GRM1: variants seen among roughly 807,000 people sequenced by gnomAD.
GRM1 encodes glutamate metabotropic receptor 1, also known as metabotropic glutamate receptor 1.
GRM1 carries 33 observed loss-of-function variants against 90.9 expected under a neutral mutation model. That is an observed-to-expected ratio of 0.36 (90% CI 0.28 to 0.49). The LOEUF is 0.49. Ranked by LOEUF, GRM1 falls within the 20% of genes least tolerant of loss-of-function variation. The probability of loss-of-function intolerance (pLI) is 0.99; values close to 1 mark genes in which losing one functional copy is unlikely to be tolerated. For synonymous variants in GRM1, 700 were observed against 613.2 expected, an observed-to-expected ratio of 1.14 and a Z score of -2.09; for missense variants, 1,190 against 1,534.3, an observed-to-expected ratio of 0.78 and a Z score of 3.75.
At chr6:146,307,532 T>A (rs1000521072) in intron 3 of GRM1, among the ~76,000 whole-genome samples, 1 of 152,200 alleles carries the variant, frequency 6.6e-6, no homozygotes, top group Non-Finnish European at 1.5e-5. Flanking sequence ...GCTTCAATGT[T>A]ATTGAAGAAC....
At chr6:146,140,090 A>ATTCATTCT (rs1554272173) in intron 1 of GRM1, among the ~76,000 whole-genome samples, 11 of 57,874 alleles carry the variant, frequency 1.9e-4, no homozygotes, top group Admixed American at 7.3e-4. Flanking sequence ...TTCTTTCTTT[A>ATTCATTCT]TTCTTTCTTT....
chr6:146,065,854 T>C (rs1775826984), intron 1 of GRM1, among the ~76,000 whole-genome samples: 1 of 152,158 alleles, frequency 6.6e-6, no homozygotes, highest in Admixed American at 6.5e-5. Context: ...GCAGAAGTAC[T>C]ATTTTGCAAA....
At chr6:146,308,913 G>T (rs1231481667) in intron 3 of GRM1, among the ~76,000 whole-genome samples, 2 of 151,884 alleles carry the variant, frequency 1.3e-5, no homozygotes, top group Admixed American at 6.6e-5. Context: ...TTAACATTTT[G>T]CATTCACATA....
chr6:146,178,311 T>G (rs1778410133), intron 2 of GRM1, among the ~76,000 whole-genome samples: 1 of 152,202 alleles, frequency 6.6e-6, no homozygotes, highest in Admixed American at 6.5e-5. Flanking sequence ...GTTATGGATT[T>G]GGGGGATTAA....
intron 1 of GRM1, among the ~76,000 whole-genome samples, chr6:146,120,613 T>G (rs1424725504): frequency 1.3e-5 from 2 of 152,218 alleles, no homozygotes; most frequent in Admixed American, 1.3e-4. Flanking sequence ...ATACGTCCCA[T>G]CAATACCTAA....
intron 1 of GRM1, among the ~76,000 whole-genome samples, chr6:146,105,523 G>A (rs1333178300): frequency 1.3e-5 from 2 of 149,472 alleles, no homozygotes; most frequent in African/African-American, 4.9e-5. Flanking sequence ...GTCATTTTGT[G>A]AATACATAAA....
intron 1 of GRM1, among the ~76,000 whole-genome samples, chr6:146,084,310 C>G (rs1451722925): frequency 2.6e-5 from 4 of 151,738 alleles, no homozygotes; most frequent in Admixed American, 1.3e-4. Flanking sequence ...GCCTCTCTAG[C>G]TCTTTTAATT....
intron 2 of GRM1, among the ~76,000 whole-genome samples, chr6:146,222,623 A>T (rs1780106633): frequency 6.6e-6 from 1 of 152,002 alleles, no homozygotes; most frequent in African/African-American, 2.4e-5. Flanking sequence ...CTGCTGATGG[A>T]TTGGTTGAGG....
chr6:146,030,256 T>A (rs756411272), intron 1 of GRM1, 39 bp downstream of exon 1: 1 of 1,315,358 alleles, frequency 7.6e-7, no homozygotes, highest in Non-Finnish European at 1.1e-6. Flanking sequence ...ACTGAGAAAG[T>A]CAGGGCAATG....
chr6:146,103,229 T>C (rs1373047471), intron 1 of GRM1, among the ~76,000 whole-genome samples: 2 of 152,326 alleles, frequency 1.3e-5, no homozygotes, highest in East Asian at 1.9e-4. Context: ...GCATTATATA[T>C]AACTTAGGAG....
intron 1 of GRM1, among the ~76,000 whole-genome samples, chr6:146,039,627 A>T (rs1378311735): frequency 6.6e-6 from 1 of 152,014 alleles, no homozygotes; most frequent in Non-Finnish European, 1.5e-5. Flanking sequence ...AAATTAGGAG[A>T]CAAATCTGAA....
intron 5 of GRM1, among the ~76,000 whole-genome samples, chr6:146,372,488 T>G (rs1775938910): frequency 6.6e-6 from 1 of 152,144 alleles, no homozygotes; most frequent in African/African-American, 2.4e-5. Flanking sequence ...TTTGTCCATT[T>G]TTGCTTTGGA....
At chr6:146,255,946 C>T (rs1053565802) in intron 2 of GRM1, among the ~76,000 whole-genome samples, 18 of 152,236 alleles carry the variant, frequency 1.2e-4, no homozygotes, top group Admixed American at 9.2e-4. Flanking sequence ...GTATTTGTTT[C>T]AGTTGGTTTC....
chr6:146,400,261 C>G (rs1777107870), intron 7 of GRM1, among the ~76,000 whole-genome samples: 1 of 152,160 alleles, frequency 6.6e-6, no homozygotes, highest in Non-Finnish European at 1.5e-5. Flanking sequence ...CTGCAAGCAA[C>G]TGACTTATCA....
intron 1 of GRM1, among the ~76,000 whole-genome samples, chr6:146,117,287 C>A (rs1775787987): frequency 6.6e-6 from 1 of 151,316 alleles, no homozygotes; most frequent in Admixed American, 6.6e-5. Flanking sequence ...ATTTATCTTT[C>A]TATATAATTC....
chr6:146,263,635 C>G (rs1035502894), intron 2 of GRM1, among the ~76,000 whole-genome samples: 1 of 152,022 alleles, frequency 6.6e-6, no homozygotes, highest in African/African-American at 2.4e-5. Flanking sequence ...ACAATATTTT[C>G]TATGTCTGTC....
chr6:146,038,326 GAGATC>G (rs1790966867), intron 1 of GRM1, among the ~76,000 whole-genome samples: 4 of 151,900 alleles, frequency 2.6e-5, no homozygotes, highest in African/African-American at 7.2e-5. Flanking sequence ...TTGAAATCCA[GAGATC>G]TGGAATAGGA....
At position 146,029,157 on chromosome 6, in the gene GRM1, T is replaced by G; in HGVS notation, c.-361T>G. The G allele has an allele frequency of 2.8e-6, 1 of 363,190 alleles. No individual in the cohort carries two copies. Among genetic ancestry groups the G allele is most frequent in the Non-Finnish European group, 5.3e-6 (1 of 190,024 alleles). 22.5% of individuals were successfully genotyped at this position (363,190 alleles called of 1,614,324 possible). On this transcript the variant is annotated 5_prime_UTR_variant, in exon 1 of 8. It removes the in-frame stop codon of an upstream open reading frame in the 5' UTR. Transcript: ENST00000282753. ...CCCCAGAGTTTTAACACAGGTCCTC[T>G]GATGACAAGGTTGTGATTTTTCTCT...
chr6:146,367,354 T>C (rs1227567434), intron 5 of GRM1, among the ~76,000 whole-genome samples: 1 of 152,190 alleles, frequency 6.6e-6, no homozygotes, highest in Non-Finnish European at 1.5e-5. Context: ...AGCTTTGTTC[T>C]TTTGCTCAAG....
Sources: gnomAD v4.1 joint callset for allele counts (sites outside exome capture counted in the v4.1 genomes callset) on GRCh38, gnomAD v4.1.1 for gene constraint, MANE v1.5 for transcripts, NCBI Gene and HGNC (gene_info 2026-07-23, HGNC 2026-07-21) for gene names.